IMMP2L: variants seen among roughly 807,000 people sequenced by gnomAD.
The protein encoded by IMMP2L is inner mitochondrial membrane peptidase subunit 2.
In IMMP2L, 18 loss-of-function variants were observed where a neutral mutation model predicts 19.3. That is an observed-to-expected ratio of 0.93 (90% CI 0.64 to 1.38). The LOEUF is 1.38. Ranked by LOEUF, IMMP2L falls within the 40% of genes most tolerant of loss-of-function variation. The probability of loss-of-function intolerance (pLI) is 0.00; values close to 1 mark genes in which losing one functional copy is unlikely to be tolerated. For missense variants in IMMP2L, 233 were observed against 218.2 expected, an observed-to-expected ratio of 1.07 and a Z score of -0.43; for synonymous variants, 76 against 73.0, an observed-to-expected ratio of 1.04 and a Z score of -0.21.
intron 5 of IMMP2L, among the ~76,000 whole-genome samples, chr7:110,753,947 G>C (rs1177224466): frequency 6.6e-6 from 1 of 151,980 alleles, no homozygotes; most frequent in Admixed American, 6.6e-5. Context: ...TTGTCATAAA[G>C]GTTTTGGGGC....
intron 3 of IMMP2L, among the ~76,000 whole-genome samples, chr7:111,441,998 G>A (rs1315363118): frequency 1.3e-5 from 2 of 151,618 alleles, no homozygotes; most frequent in African/African-American, 2.4e-5. Flanking sequence ...TTAGCTGGGT[G>A]TGGTGGTGCG....
intron 3 of IMMP2L, among the ~76,000 whole-genome samples, chr7:111,095,096 T>C (rs1797267043): frequency 6.6e-6 from 1 of 152,042 alleles, no homozygotes; most frequent in Non-Finnish European, 1.5e-5. Context: ...AAGAATTTTC[T>C]ATGGTGCCAT....
At chr7:111,154,834 T>C (rs573019048) in intron 3 of IMMP2L, among the ~76,000 whole-genome samples, 1 of 152,286 alleles carries the variant, frequency 6.6e-6, no homozygotes, top group African/African-American at 2.4e-5. Flanking sequence ...CATGGTTCAT[T>C]GCAGCCTTGA....
chr7:111,393,548 T>C (rs1042050208), intron 3 of IMMP2L, among the ~76,000 whole-genome samples: 1 of 152,210 alleles, frequency 6.6e-6, no homozygotes, highest in Non-Finnish European at 1.5e-5. Flanking sequence ...AAACTCTGCA[T>C]GCTAGGAAGA....
chr7:111,500,923 C>G (rs908706457), intron 2 of IMMP2L, among the ~76,000 whole-genome samples: 2 of 152,164 alleles, frequency 1.3e-5, no homozygotes, highest in Admixed American at 6.5e-5. Flanking sequence ...TGCCTCTCCT[C>G]CTCCAAAGGA....
rs370834674 is a variant in IMMP2L, at chr7:111,347,888, T to G, written c.239+139350A>C. ...TTTATCTCTCACAGAAAATTTTATT[T>G]TAAAAAGTTCTATCAAGACTGGATT... On this transcript the variant is annotated intron_variant, in intron 3 of 5. Coordinates refer to ENST00000405709, the MANE Select transcript of IMMP2L (RefSeq NM_032549.4). Among the ~76,000 whole-genome samples the G allele has an allele frequency of 7.2e-5, 11 of 152,030 alleles. No individual in the cohort carries two copies. The East Asian group carries it at 2.1e-3, about 30-fold the overall frequency.
Position 110,670,705 on chromosome 7 carries a change from C to CA in IMMP2L, c.409-6985dup, listed in dbSNP as rs1433574064. Among the ~76,000 whole-genome samples, 597 of 131,078 alleles carry CA rather than the reference C, an allele frequency of 4.6e-3. 1 individual carries two copies. The highest frequency in any genetic ancestry group is 0.012 in the African/African-American group (422 of 36,502). 86.0% of individuals were successfully genotyped at this position (131,078 alleles called of 152,430 possible). On this transcript the variant is annotated intron_variant, in intron 5 of 5. Coordinates refer to ENST00000405709, the MANE Select transcript of IMMP2L (RefSeq NM_032549.4). ...ACTCCGTCTCAAAAAAAAAAAAAAA[C>CA]AAAAAAAACAAAAAAAACCCCTAAA... is the stretch of plus-strand genomic sequence containing the variant.
intron 3 of IMMP2L, among the ~76,000 whole-genome samples, chr7:111,346,741 A>C (rs758283118): frequency 4.6e-5 from 7 of 152,114 alleles, no homozygotes; most frequent in Non-Finnish European, 8.8e-5. Context: ...TGAATTCAAG[A>C]GAGATTTTTA....
chr7:111,242,735 T>A (rs1360630675), intron 3 of IMMP2L, among the ~76,000 whole-genome samples: 1 of 151,906 alleles, frequency 6.6e-6, no homozygotes, highest in Non-Finnish European at 1.5e-5. Context: ...AACCAAAGCC[T>A]ATGGCACAAC....
At chr7:111,291,176 T>C (rs1042406889) in intron 3 of IMMP2L, among the ~76,000 whole-genome samples, 18 of 152,136 alleles carry the variant, frequency 1.2e-4, no homozygotes, top group African/African-American at 4.1e-4. Flanking sequence ...ACACAGATAG[T>C]ATCTTGCAAT....
At position 110,727,416 on chromosome 7, in the gene IMMP2L, A is replaced by C. The variant is rs1010198956; in HGVS notation, c.409-63695T>G. Among the ~76,000 whole-genome samples, 1 of 151,930 alleles carries C rather than the reference A, an allele frequency of 6.6e-6. No homozygotes were observed. Among genetic ancestry groups the C allele is most frequent in the African/African-American group, 2.4e-5 (1 of 41,330 alleles). ...TAAATAAATAAATAAATAAATAAAT[A>C]AATATTAAAAATCCTCCAAGTTCAG... On this transcript the variant is annotated intron_variant, in intron 5 of 5. Transcript: ENST00000405709. This position sits in a 1 kb window ranked among gnomAD's most constrained non-coding sequence, Gnocchi z 4.3.
intron 3 of IMMP2L, among the ~76,000 whole-genome samples, chr7:111,063,392 G>C (rs1354353869): frequency 6.6e-6 from 1 of 152,078 alleles, no homozygotes; most frequent in African/African-American, 2.4e-5. Flanking sequence ...TTTCCTCCTA[G>C]GCTGCTGGGC....
At chr7:110,942,301 C>A (rs562324312) in intron 4 of IMMP2L, among the ~76,000 whole-genome samples, 1 of 151,862 alleles carries the variant, frequency 6.6e-6, no homozygotes. Flanking sequence ...AGGAAATACA[C>A]AATAGCAGTG....
rs115475441 is a variant in IMMP2L at position 111,103,616 on chromosome 7, A to G, written c.240-140051T>C. Among the ~76,000 whole-genome samples, 137 of 151,748 alleles carry G rather than the reference A, an allele frequency of 9.0e-4. 1 individual carries two copies. The highest frequency in any genetic ancestry group is 3.1e-3 in the African/African-American group (130 of 41,482). On this transcript the variant is annotated intron_variant, in intron 3 of 5. Transcript: ENST00000405709. ...TTGTTCTGTCATTTCTCCTGTTCCAATATTTTCACCTGTAAGTTTAAGTTA... is the reference window on the plus strand; with the variant it reads ...TTGTTCTGTCATTTCTCCTGTTCCAGTATTTTCACCTGTAAGTTTAAGTTA...
At chr7:111,446,760 A>C (rs1405162883) in intron 3 of IMMP2L, among the ~76,000 whole-genome samples, 2 of 152,248 alleles carry the variant, frequency 1.3e-5, no homozygotes, top group African/African-American at 2.4e-5. Flanking sequence ...AATTACTCTG[A>C]GCTACGGGAG....
chr7:111,069,631 T>C (rs548648250), intron 3 of IMMP2L, among the ~76,000 whole-genome samples: 9 of 152,276 alleles, frequency 5.9e-5, no homozygotes, highest in African/African-American at 9.6e-5. Flanking sequence ...TACATGTAGA[T>C]ACACAAAGCA....
At chr7:111,443,837 T>A (rs1838004188) in intron 3 of IMMP2L, among the ~76,000 whole-genome samples, 1 of 151,918 alleles carries the variant, frequency 6.6e-6, no homozygotes, top group African/African-American at 2.4e-5. Context: ...GTGAAAGGGG[T>A]GGAAAGTTAA....
At chr7:110,667,632 A>C (rs1295789800) in intron 5 of IMMP2L, among the ~76,000 whole-genome samples, 2 of 152,158 alleles carry the variant, frequency 1.3e-5, no homozygotes, top group Non-Finnish European at 2.9e-5. Flanking sequence ...TGAGCCAAGG[A>C]ATGCAGGCAG....
chr7:110,783,484 G>A (rs1584814044), intron 5 of IMMP2L, among the ~76,000 whole-genome samples: 1 of 151,746 alleles, frequency 6.6e-6, no homozygotes, highest in Admixed American at 6.6e-5. Flanking sequence ...ATTATCAAAT[G>A]TTCACATGTT....
Sources: gnomAD v4.1 joint callset for allele counts (sites outside exome capture counted in the v4.1 genomes callset) on GRCh38, gnomAD v4.1.1 for gene constraint, Gnocchi (gnomAD v3.1) non-coding constraint, MANE v1.5 for transcripts, NCBI Gene and HGNC (gene_info 2026-07-23, HGNC 2026-07-21) for gene names.